SNN: variants seen among roughly 807,000 people sequenced by gnomAD.
The protein encoded by SNN is AG8_1.
Under a neutral mutation model 5.3 loss-of-function variants are expected in SNN, and 5 were observed. The ratio of observed to expected loss-of-function variants is 0.94; its 90% CI spans 0.49 to 1.97. The LOEUF (loss-of-function observed/expected upper bound fraction) is 1.97, where lower values mean the gene tolerates loss of function less well. Among genes scored for constraint, SNN ranks in the 30% most tolerant of loss-of-function variants. SNN has a pLI of 0.01. For missense variants in SNN, 127 were observed against 121.6 expected, an observed-to-expected ratio of 1.04 and a Z score of -0.21; for synonymous variants, 67 against 52.1, an observed-to-expected ratio of 1.29 and a Z score of -1.24.
chr16:11,669,265 G>A (rs2050250395), intron 1 of SNN, among the ~76,000 whole-genome samples: 1 of 152,174 alleles, frequency 6.6e-6, no homozygotes, highest in Non-Finnish European at 1.5e-5. Flanking sequence ...CGCCGCCCGC[G>A]CTCAGCACTC....
In SNN at chr16:11,671,279, G is replaced by A. The variant is rs2050264502; in HGVS notation, c.-86+2739G>A. The stretch of plus-strand genomic sequence containing the variant: ...GAGAGTCAGGACCCCCTTGGCAGAG[G>A]ATGGCAAGACTGAAGGCACATGGAG... On this transcript the variant is annotated intron_variant, in intron 1 of 1. Coordinates refer to ENST00000329565, the MANE Select transcript of SNN (RefSeq NM_003498.6). The surrounding 1 kb of genome is among the most constrained non-coding windows in gnomAD (Gnocchi z 4.7). Among the ~76,000 whole-genome samples, 1 of 152,170 alleles carries A rather than the reference G, an allele frequency of 6.6e-6. No homozygotes were observed. Among genetic ancestry groups the A allele is most frequent in the African/African-American group, 2.4e-5 (1 of 41,436 alleles).
At position 11,677,238 on chromosome 16, in the gene SNN, C is replaced by G. The variant is rs7198518; in HGVS notation, c.*912C>G. On this transcript the variant is annotated 3_prime_UTR_variant, in exon 2 of 2. Transcript: ENST00000329565. The surrounding 1 kb of genome is among the most constrained non-coding windows in gnomAD (Gnocchi z 4.2). ...GTGGCTACTTTTGGTCTGAAACCCA[C>G]TTGGCCCAGGAAAGAGAAAAGGTTG... 0.57 allele frequency: 95,716 copies of G among 167,078 alleles called. 28,153 individuals carry two copies. Among genetic ancestry groups the G allele is most frequent in the African/African-American group, 0.69 (28,564 of 41,486 alleles). The allele number at this position is 167,078 out of a possible 1,614,324, so 10.3% of individuals were successfully genotyped here. A position where few individuals can be genotyped will look rare whatever the true frequency, so the allele number is the denominator to read the frequency against.
intron 1 of SNN, among the ~76,000 whole-genome samples, chr16:11,673,268 C>T (rs1004925155): frequency 1.3e-5 from 2 of 151,906 alleles, no homozygotes; most frequent in Non-Finnish European, 2.9e-5. Context: ...GTTGTGGAAC[C>T]GGATGGTGGC....
rs1847679726 is a variant in SNN, at chr16:11,679,048, C to T, written c.*2722C>T. The T allele has an allele frequency of 3.5e-6, 3 of 858,016 alleles. No homozygotes were observed. In the African/African-American group the frequency reaches 5.2e-5, roughly 15 times the overall value. The allele number at this position is 858,016 out of a possible 1,614,324, so 53.2% of individuals were successfully genotyped here. A position where few individuals can be genotyped will look rare whatever the true frequency, so the allele number is the denominator to read the frequency against. On this transcript the variant is annotated 3_prime_UTR_variant, in exon 2 of 2. Transcript: ENST00000329565. This position sits in a 1 kb window ranked among gnomAD's most constrained non-coding sequence, Gnocchi z 4.6. Reference sequence around the variant, plus strand: ...TGCAATAAGTGGAAGGGATGTCATCCTTCTTCAATAAATGCTGAATGACAT... The same window carrying T: ...TGCAATAAGTGGAAGGGATGTCATCTTTCTTCAATAAATGCTGAATGACAT...
intron 1 of SNN, among the ~76,000 whole-genome samples, chr16:11,673,420 C>A (rs562175136): frequency 6.6e-6 from 1 of 152,270 alleles, no homozygotes; most frequent in South Asian, 2.1e-4. Context: ...GCCACTGCTC[C>A]GGAGGGAAGG....
Position 11,672,371 on chromosome 16 carries a change from TG to T in SNN, c.-85-3601del, listed in dbSNP as rs2050271194. Among the ~76,000 whole-genome samples, 2 of 151,978 alleles carry T rather than the reference TG, an allele frequency of 1.3e-5. No individual in the cohort carries two copies. Among genetic ancestry groups the T allele is most frequent in the Non-Finnish European group, 2.9e-5 (2 of 67,950 alleles). On this transcript the variant is annotated intron_variant, in intron 1 of 1. Transcript: ENST00000329565. This position sits in a 1 kb window ranked among gnomAD's most constrained non-coding sequence, Gnocchi z 6.0. ...GGTGGGGTGTGGGAGGAGGGGCGCC[TG>T]GGTCCAGGGTGGTCTGGGAGGGCAG...
At chr16:11,675,549 G>A (rs1052959985) in intron 1 of SNN, among the ~76,000 whole-genome samples, 1 of 152,198 alleles carries the variant, frequency 6.6e-6, no homozygotes, top group Non-Finnish European at 1.5e-5. Context: ...TTACAGGCAT[G>A]AGTCACTGCA....
chr16:11,673,764 G>C (rs971984110), intron 1 of SNN, among the ~76,000 whole-genome samples: 2 of 152,206 alleles, frequency 1.3e-5, no homozygotes, highest in Non-Finnish European at 2.9e-5. Context: ...GGGGGTCAGC[G>C]TGGCTGGCGA....
At chr16:11,669,106 C>G (rs912417733) in intron 1 of SNN, among the ~76,000 whole-genome samples, 2 of 152,198 alleles carry the variant, frequency 1.3e-5, no homozygotes, top group African/African-American at 4.8e-5. Context: ...CCCCAGCTGC[C>G]GTCCCCTCTC....
chr16:11,678,155 G>A lies in SNN; in HGVS notation c.*1829G>A, dbSNP rs1390751086. ...GAGGTGGTGGTGGGGTAGGCGTGAT[G>A]TCAGCAGAAGCCCTGCAGGCTGGGT... On this transcript the variant is annotated 3_prime_UTR_variant, in exon 2 of 2. Coordinates refer to ENST00000329565, the MANE Select transcript of SNN (RefSeq NM_003498.6). The A allele has an allele frequency of 6.0e-6, 1 of 167,204 alleles. No homozygotes were observed. The highest frequency in any genetic ancestry group is 2.4e-5 in the African/African-American group (1 of 41,432). The allele number at this position is 167,204 out of a possible 1,614,324, so 10.4% of individuals were successfully genotyped here.
intron 1 of SNN, 89 bp from the exon 2 acceptor site, chr16:11,675,886 T>A: frequency 3.1e-6 from 2 of 647,544 alleles, no homozygotes; most frequent in Non-Finnish European, 5.1e-6. Flanking sequence ...TTTGTCAGGG[T>A]GAGGGTGGGA....
rs1393594877 is a variant in SNN, at chr16:11,668,469, C to G, written c.-157C>G. On this transcript the variant is annotated 5_prime_UTR_variant, in exon 1 of 2. Coordinates refer to ENST00000329565, the MANE Select transcript of SNN (RefSeq NM_003498.6). The surrounding 1 kb of genome is among the most constrained non-coding windows in gnomAD (Gnocchi z 6.8). ...TCCTGCGTCCCGAGTGCGCGGCGGCCGGACCGGGCGGGCGGAGCCGGGCCC... is the reference window on the plus strand; with the variant it reads ...TCCTGCGTCCCGAGTGCGCGGCGGCGGGACCGGGCGGGCGGAGCCGGGCCC... 1 of 145,748 alleles carries G rather than the reference C, an allele frequency of 6.9e-6. No homozygotes were observed. Among genetic ancestry groups the G allele is most frequent in the African/African-American group, 2.5e-5 (1 of 40,646 alleles). 9.0% of individuals were successfully genotyped at this position (145,748 alleles called of 1,614,324 possible).
chr16:11,679,074 T>G lies in SNN; in HGVS notation c.*2748T>G. The G allele has an allele frequency of 9.2e-7, 1 of 1,082,876 alleles. No individual in the cohort carries two copies. Among genetic ancestry groups the G allele is most frequent in the Non-Finnish European group, 1.3e-6 (1 of 760,862 alleles). 67.1% of individuals were successfully genotyped at this position (1,082,876 alleles called of 1,614,324 possible). A position where few individuals can be genotyped will look rare whatever the true frequency, so the allele number is the denominator to read the frequency against. On this transcript the variant is annotated 3_prime_UTR_variant, in exon 2 of 2. Coordinates refer to ENST00000329565, the MANE Select transcript of SNN (RefSeq NM_003498.6). This position sits in a 1 kb window ranked among gnomAD's most constrained non-coding sequence, Gnocchi z 4.6. ...TTCTTCAATAAATGCTGAATGACAT[T>G]CAAGCTGATTTTCTAGACCACTGAG...
intron 1 of SNN, among the ~76,000 whole-genome samples, chr16:11,669,678 A>C (rs1048641820): frequency 1.3e-5 from 2 of 152,180 alleles, no homozygotes; most frequent in African/African-American, 4.8e-5. Context: ...TCTACAAGCA[A>C]AGTTGTTTGG....
intron 1 of SNN, among the ~76,000 whole-genome samples, chr16:11,670,432 G>A (rs2050259767): frequency 6.6e-6 from 1 of 152,192 alleles, no homozygotes; most frequent in Admixed American, 6.5e-5. Flanking sequence ...CACTGGGCCT[G>A]GGCCAGGCTC....
At chr16:11,669,337 G>C (rs2050251153) in intron 1 of SNN, among the ~76,000 whole-genome samples, 1 of 152,234 alleles carries the variant, frequency 6.6e-6, no homozygotes, top group Non-Finnish European at 1.5e-5. Context: ...CGCCCAGCCC[G>C]CCCCAGCGAG....
Position 11,676,441 on chromosome 16 carries a change from C to A in SNN, c.*115C>A. On this transcript the variant is annotated 3_prime_UTR_variant, in exon 2 of 2. Transcript: ENST00000329565. ...GAAGGGCTGACACTTGCTGGCATGG[C>A]CTCTGCGGGCTTCGTCATCGCATGC... The A allele has an allele frequency of 7.7e-7, 1 of 1,296,484 alleles. No homozygotes were observed. The highest frequency in any genetic ancestry group is 1.1e-6 in the Non-Finnish European group (1 of 947,300). 80.3% of individuals were successfully genotyped at this position (1,296,484 alleles called of 1,614,324 possible). A position where few individuals can be genotyped will look rare whatever the true frequency, so the allele number is the denominator to read the frequency against.
At chr16:11,674,289 G>A (rs1364867875) in intron 1 of SNN, among the ~76,000 whole-genome samples, 1 of 152,164 alleles carries the variant, frequency 6.6e-6, no homozygotes, top group Non-Finnish European at 1.5e-5. Context: ...CACTGACCCC[G>A]GGTGCAGCCA....
chr16:11,674,581 G>A (rs1197491695), intron 1 of SNN, among the ~76,000 whole-genome samples: 2 of 152,232 alleles, frequency 1.3e-5, no homozygotes. Flanking sequence ...GGTGGAGGTG[G>A]TGGTCCCAGC....
Sources: allele counts gnomAD v4.1 joint callset (sites outside exome capture counted in the v4.1 genomes callset), GRCh38; gene constraint gnomAD v4.1.1; non-coding constraint Gnocchi (gnomAD v3.1); transcripts MANE v1.5; gene names NCBI Gene and HGNC (gene_info 2026-07-23, HGNC 2026-07-21).